The following NOX4 variants were observed in gnomAD, a reference collection of about 807,000 sequenced individuals.
NOX4 encodes the protein kidney oxidase-1.
Under a neutral mutation model 87.6 loss-of-function variants are expected in NOX4, and 69 were observed. That is an observed-to-expected ratio of 0.79 (90% CI 0.65 to 0.96). NOX4 has a LOEUF of 0.96. NOX4 is among the 40% of genes least tolerant of loss of function. NOX4 has a pLI of 0.00. For missense variants in NOX4, 680 were observed against 681.5 expected (o/e 1.00, Z 0.02); for synonymous variants, 275 against 238.2 (o/e 1.15, Z -1.42).
At chr11:89,481,613 T>A (rs1231227345) in intron 2 of NOX4, among the ~76,000 whole-genome samples, 1 of 152,116 alleles carries the variant, frequency 6.6e-6, no homozygotes, top group Non-Finnish European at 1.5e-5. Context: ...TATAATTATT[T>A]TTCTCTCCAG....
At chr11:89,561,434 A>G in the NOX4 span, among the ~76,000 whole-genome samples, 1 of 152,002 alleles carries the variant, frequency 6.6e-6, no homozygotes, top group Admixed American at 6.6e-5. Context: ...AATCTATACA[A>G]CTGTCTGCAA....
intron 17 of NOX4, among the ~76,000 whole-genome samples, chr11:89,332,663 G>A (rs1233461090): frequency 2.0e-5 from 3 of 151,792 alleles, no homozygotes; most frequent in Non-Finnish European, 2.9e-5. Context: ...AGGGGAACAT[G>A]GTAAAATAAG....
chr11:89,497,585 A>C (rs944925870), intron 1 of NOX4, among the ~76,000 whole-genome samples: 1 of 152,230 alleles, frequency 6.6e-6, no homozygotes, highest in African/African-American at 2.4e-5. Flanking sequence ...CATTGAGCTC[A>C]CCGAGCACCT....
At chr11:89,341,250 G>A (rs915097576) in intron 14 of NOX4, among the ~76,000 whole-genome samples, 7 of 150,394 alleles carry the variant, frequency 4.7e-5, no homozygotes, top group African/African-American at 1.7e-4. Context: ...AGCCTCTGGA[G>A]TAGCTGGGAT....
intron 4 of NOX4, 39 bp from the exon 5 acceptor site, chr11:89,444,271 A>C: frequency 6.5e-7 from 1 of 1,541,690 alleles, no homozygotes; most frequent in East Asian, 2.3e-5. Context: ...TGGGATTTGC[A>C]TATATGCTCT....
upstream of NOX4, chr11:89,492,250 G>GA (rs923277961): frequency 1.3e-5 from 2 of 151,722 alleles, no homozygotes; most frequent in Non-Finnish European, 1.5e-5. Context: ...AAAAGAGAGA[G>GA]AAAAAAATGT....
chr11:89,409,109 T>TA (rs1942337588), intron 8 of NOX4, among the ~76,000 whole-genome samples: 1 of 152,014 alleles, frequency 6.6e-6, no homozygotes, highest in Non-Finnish European at 1.5e-5. Flanking sequence ...AAAAAAAAGG[T>TA]AAGCATCCAT....
intron 11 of NOX4, among the ~76,000 whole-genome samples, chr11:89,374,788 G>T (rs1313051962): frequency 6.6e-6 from 1 of 152,134 alleles, no homozygotes; most frequent in Admixed American, 6.5e-5. Flanking sequence ...GAATTAAAAG[G>T]AAATAAGGGC....
chr11:89,508,759 A>G, the NOX4 span, among the ~76,000 whole-genome samples: 1 of 152,050 alleles, frequency 6.6e-6, no homozygotes, highest in Non-Finnish European at 1.5e-5. Flanking sequence ...TGCTCAAAAC[A>G]CTTTCTCAGG....
chr11:89,535,209 T>C, the NOX4 span, among the ~76,000 whole-genome samples: 1 of 152,248 alleles, frequency 6.6e-6, no homozygotes, highest in Non-Finnish European at 1.5e-5. Context: ...TTTTCTACTG[T>C]CCTCCAGTCA....
At chr11:89,513,986 G>A in the NOX4 span, among the ~76,000 whole-genome samples, 9 of 152,016 alleles carry the variant, frequency 5.9e-5, no homozygotes, top group African/African-American at 2.2e-4. Flanking sequence ...GCCACTTGAT[G>A]TTGAACTTCC....
At chr11:89,576,714 T>C in the NOX4 span, among the ~76,000 whole-genome samples, 1 of 152,174 alleles carries the variant, frequency 6.6e-6, no homozygotes, top group Non-Finnish European at 1.5e-5. Context: ...GGACATTCCT[T>C]CAATCTTTAA....
intron 6 of NOX4, among the ~76,000 whole-genome samples, chr11:89,439,395 A>G (rs184351533): frequency 4.1e-4 from 62 of 152,266 alleles, no homozygotes; most frequent in Admixed American, 7.9e-4. Flanking sequence ...AAACTGTGAA[A>G]TACTTTGCAA....
the NOX4 span, among the ~76,000 whole-genome samples, chr11:89,530,540 C>T: frequency 6.9e-6 from 1 of 144,494 alleles, no homozygotes; most frequent in Non-Finnish European, 1.5e-5. Context: ...TTTTAGTAGA[C>T]ATGGGGTTGC....
At chr11:89,343,507 G>GA (rs1946090303) in intron 13 of NOX4, among the ~76,000 whole-genome samples, 2 of 151,566 alleles carry the variant, frequency 1.3e-5, no homozygotes, top group Admixed American at 6.6e-5. Context: ...GCTTTTCTTG[G>GA]AAAAAATAAG....
At chr11:89,554,604 G>A in the NOX4 span, among the ~76,000 whole-genome samples, 1 of 152,034 alleles carries the variant, frequency 6.6e-6, no homozygotes, top group African/African-American at 2.4e-5. Context: ...TTGGAAGGAG[G>A]CATGCAAGAG....
chr11:89,470,367 G>A (rs996917624), intron 2 of NOX4, among the ~76,000 whole-genome samples: 3 of 152,036 alleles, frequency 2.0e-5, no homozygotes, highest in Non-Finnish European at 4.4e-5. Context: ...TCACTCATAT[G>A]ATCTAAAGAA....
chr11:89,408,611 C>T (rs1019942852), intron 8 of NOX4, among the ~76,000 whole-genome samples: 1 of 152,140 alleles, frequency 6.6e-6, no homozygotes, highest in African/African-American at 2.4e-5. Flanking sequence ...GTTCTTGCCT[C>T]TGCATTCTTT....
At chr11:89,393,773 A>G (rs1418860559) in intron 11 of NOX4, among the ~76,000 whole-genome samples, 1 of 152,166 alleles carries the variant, frequency 6.6e-6, no homozygotes. Context: ...AGATGATGAA[A>G]CTGAGCCTTA....
Sources: gnomAD v4.1 joint callset for allele counts (sites outside exome capture counted in the v4.1 genomes callset) on GRCh38, gnomAD v4.1.1 for gene constraint, MANE v1.5 for transcripts, NCBI Gene and HGNC (gene_info 2026-07-23, HGNC 2026-07-21) for gene names.